Variants in FAM83G observed in about 807,000 individuals in gnomAD.
FAM83G encodes the protein protein FAM83G.
In FAM83G, 38 loss-of-function variants were observed where a neutral mutation model predicts 61.5. That is an observed-to-expected ratio of 0.62 (90% CI 0.48 to 0.81). FAM83G has a LOEUF of 0.81. FAM83G is among the 30% of genes least tolerant of loss of function. The pLI is 0.00. For missense variants in FAM83G, 989 were observed against 1,133.6 expected (o/e 0.87, Z 1.83); for synonymous variants, 470 against 476.1 (o/e 0.99, Z 0.17).
chr17:18,991,405 A>G (rs151325911), intron 2 of FAM83G, among the ~76,000 whole-genome samples: 1 of 152,280 alleles, frequency 6.6e-6, no homozygotes, highest in East Asian at 1.9e-4. Flanking sequence ...CAGTTCACAC[A>G]TTGTCAGAGC....
chr17:18,979,179 C>A, intron 4 of FAM83G: 1 of 481,034 alleles, frequency 2.1e-6, no homozygotes, highest in Non-Finnish European at 3.8e-6. Flanking sequence ...TGCGTCTATG[C>A]TGCCACCAAC....
chr17:18,986,967 G>C (rs1008705985), intron 3 of FAM83G, among the ~76,000 whole-genome samples: 1 of 152,228 alleles, frequency 6.6e-6, no homozygotes, highest in African/African-American at 2.4e-5. Context: ...TGTGGGGCTT[G>C]GGGCCAACCC....
chr17:18,978,056 T>C lies in FAM83G; in HGVS notation c.1610A>G (p.Asn537Ser). 1 of 1,520,378 alleles carries C rather than the reference T, an allele frequency of 6.6e-7. No homozygotes were observed. The highest frequency in any genetic ancestry group is 1.4e-5 in the African/African-American group (1 of 71,922). The allele number at this position is 1,520,378 out of a possible 1,614,324, so 94.2% of individuals were successfully genotyped here. Residue 537 changes from asparagine (N) to serine (S), a missense_variant, in exon 5 of 6, where the codon AAT (asparagine) becomes AGT (serine). Asn to Ser is a conservative substitution (Grantham distance 46). Around this residue, in one of 3 missense-constraint regions of FAM83G, gnomAD observed 574 missense variants for 645.1 expected, o/e 0.89. Coordinates refer to ENST00000388995, the MANE Select transcript of FAM83G (RefSeq NM_001039999.3). ...LELPKEEAPQ[N>S]GTDHRLPRMA... is the part of the protein sequence containing the mutation. Reference sequence around the variant, plus strand: ...CCTGGGTAGCCTATGGTCTGTCCCATTCTGGGGAGCTTCCTCTTTGGGGAG... The same window carrying C: ...CCTGGGTAGCCTATGGTCTGTCCCACTCTGGGGAGCTTCCTCTTTGGGGAG...
chr17:18,979,732 G>T, intron 3 of FAM83G, 59 bp from the exon 4 acceptor site: 1 of 1,596,858 alleles, frequency 6.3e-7, no homozygotes, highest in Non-Finnish European at 8.6e-7. Context: ...CACAGGGCGA[G>T]GGGAGGACGG....
chr17:18,981,519 A>G (rs933171535), intron 3 of FAM83G, among the ~76,000 whole-genome samples: 1 of 152,040 alleles, frequency 6.6e-6, no homozygotes, highest in African/African-American at 2.4e-5. Flanking sequence ...GGTGAATGCT[A>G]TGGGAGAGGA....
intron 3 of FAM83G, among the ~76,000 whole-genome samples, chr17:18,981,552 T>C (rs1194488154): frequency 6.6e-6 from 1 of 152,114 alleles, no homozygotes; most frequent in Admixed American, 6.5e-5. Context: ...AGAGCAGAGC[T>C]GCCCGCCATG....
At chr17:18,972,585 G>A (rs1174281441) in intron 5 of FAM83G, among the ~76,000 whole-genome samples, 1 of 152,182 alleles carries the variant, frequency 6.6e-6, no homozygotes, top group Non-Finnish European at 1.5e-5. Context: ...GGACCTGGCC[G>A]GGGGCGGTGG....
rs750193850 is a variant in FAM83G at position 18,969,103 on chromosome 17, T to G, written c.*2256A>C. The G allele has an allele frequency of 6.2e-7, 1 of 1,614,112 alleles. No homozygotes were observed. Among genetic ancestry groups the G allele is most frequent in the Non-Finnish European group, 8.5e-7 (1 of 1,179,986 alleles). On this transcript the variant is annotated 3_prime_UTR_variant, in exon 6 of 6. Transcript: ENST00000388995. Reference sequence around the variant, plus strand: ...TGTGCACATCTGCCTGGGCTGGAACTTCTACCTCTCCACCATCCTCACGCT... The same window carrying G: ...TGTGCACATCTGCCTGGGCTGGAACGTCTACCTCTCCACCATCCTCACGCT...
chr17:18,983,536 T>A (rs112871523), intron 3 of FAM83G, among the ~76,000 whole-genome samples: 3 of 151,954 alleles, frequency 2.0e-5, no homozygotes, highest in African/African-American at 7.3e-5. Context: ...AGTGGGGAGG[T>A]CCAGAGATGC....
At chr17:18,997,976 G>A (rs533210028) in intron 2 of FAM83G, among the ~76,000 whole-genome samples, 1 of 152,352 alleles carries the variant, frequency 6.6e-6, no homozygotes, top group South Asian at 2.1e-4. Flanking sequence ...GAAGGTCAGA[G>A]AGGCCAAGCA....
Position 18,971,802 on chromosome 17 carries a change from C to T in FAM83G, c.2083-54G>A. The T allele has an allele frequency of 1.3e-6, 2 of 1,511,336 alleles. No homozygotes were observed. The highest frequency in any genetic ancestry group is 8.8e-7 in the Non-Finnish European group (1 of 1,130,010). 93.6% of individuals were successfully genotyped at this position (1,511,336 alleles called of 1,614,324 possible). On this transcript the variant is annotated intron_variant, in intron 5 of 5. Transcript: ENST00000388995. The surrounding 1 kb of genome is among the most constrained non-coding windows in gnomAD (Gnocchi z 5.5). ...TGAGCAAGAAGGGCCAACCCCGCCCCAGCACAGGACCCTGCTCAGGCACAC... is the reference window on the plus strand; with the variant it reads ...TGAGCAAGAAGGGCCAACCCCGCCCTAGCACAGGACCCTGCTCAGGCACAC...
At chr17:18,987,368 G>A (rs1939771516) in intron 3 of FAM83G, among the ~76,000 whole-genome samples, 9 of 152,230 alleles carry the variant, frequency 5.9e-5, no homozygotes, top group Admixed American at 5.9e-4. Flanking sequence ...AATGCAAAGT[G>A]CCTGTGACAG....
At chr17:18,989,455 T>A (rs1340483013) in intron 2 of FAM83G, among the ~76,000 whole-genome samples, 1 of 127,592 alleles carries the variant, frequency 7.8e-6, no homozygotes, top group Non-Finnish European at 1.6e-5. Context: ...CAGGCCCCCA[T>A]CGTTCACCTG....
chr17:18,995,419 A>C (rs79483384), intron 2 of FAM83G, among the ~76,000 whole-genome samples: 61 of 152,362 alleles, frequency 4.0e-4, no homozygotes, highest in African/African-American at 1.4e-3. Context: ...ATGTAAGTAG[A>C]AACTGTCCAA....
intron 5 of FAM83G, among the ~76,000 whole-genome samples, chr17:18,975,028 G>A (rs192991318): frequency 3.3e-5 from 5 of 152,318 alleles, no homozygotes; most frequent in Non-Finnish European, 1.5e-5. Flanking sequence ...TACTTGGGGT[G>A]ACAGCACCTG....
At chr17:19,002,421 C>A (rs1597893330) in intron 2 of FAM83G, among the ~76,000 whole-genome samples, 1 of 152,206 alleles carries the variant, frequency 6.6e-6, no homozygotes, top group Non-Finnish European at 1.5e-5. Context: ...GGTTTCTCTG[C>A]CCACGAACTT....
chr17:18,970,580 ATC>A lies in FAM83G; in HGVS notation c.*777_*778del. On this transcript the variant is annotated 3_prime_UTR_variant, in exon 6 of 6. Transcript: ENST00000388995. ...ACCAGCCACTCTCAGCTCTGCTAAA[ATC>A]ACACCCTTCAGGTGATCAGGATGAA... is the stretch of plus-strand genomic sequence containing the variant. 3 of 198,280 alleles carry A rather than the reference ATC, an allele frequency of 1.5e-5. No homozygotes were observed. The highest frequency in any genetic ancestry group is 9.6e-5 in the South Asian group (1 of 10,428). 12.3% of individuals were successfully genotyped at this position (198,280 alleles called of 1,614,324 possible).
rs192026288 is a variant in FAM83G, at chr17:18,983,609, C to T, written c.691-3936G>A. Reference sequence around the variant, plus strand: ...GGCCTAGTGTGAGGAATGCAAGGAACAGAGCCCAACATAGCAGCAGGAGCC... The same window carrying T: ...GGCCTAGTGTGAGGAATGCAAGGAATAGAGCCCAACATAGCAGCAGGAGCC... On this transcript the variant is annotated intron_variant, in intron 3 of 5. Transcript: ENST00000388995. Among the ~76,000 whole-genome samples the T allele has an allele frequency of 1.2e-4, 18 of 152,322 alleles. 1 individual carries two copies. The East Asian group carries it at 2.5e-3, about 21-fold the overall frequency.
chr17:18,976,487 A>T (rs1056092321), intron 5 of FAM83G: 5 of 196,996 alleles, frequency 2.5e-5, no homozygotes, highest in Non-Finnish European at 5.1e-5. Context: ...AGCTGCTGTC[A>T]TGAGGGTCCA....
Sources: gnomAD v4.1 joint callset for allele counts (sites outside exome capture counted in the v4.1 genomes callset) on GRCh38, gnomAD v4.1.1 for gene constraint, gnomAD v4.1.1 regional missense constraint, Gnocchi (gnomAD v3.1) non-coding constraint, MANE v1.5 for transcripts, NCBI Gene and HGNC (gene_info 2026-07-23, HGNC 2026-07-21) for gene names.